The following CDK14 variants were observed in gnomAD, a reference collection of about 807,000 sequenced individuals.
The protein encoded by CDK14 is cyclin-dependent kinase 14.
A neutral mutation model predicts 60.7 loss-of-function variants in CDK14; 34 were observed. That is an observed-to-expected ratio of 0.56 (90% CI 0.43 to 0.75). The LOEUF (loss-of-function observed/expected upper bound fraction) is 0.75. CDK14 is among the 30% of genes least tolerant of loss of function. The probability of loss-of-function intolerance (pLI) is 0.00; values close to 1 mark genes in which losing one functional copy is unlikely to be tolerated. For missense variants in CDK14, 482 were observed against 564.1 expected (o/e 0.85, Z 1.47); for synonymous variants, 197 against 203.7 (o/e 0.97, Z 0.28).
chr7:90,764,384 G>C (rs984516394), intron 4 of CDK14, among the ~76,000 whole-genome samples: 3 of 152,182 alleles, frequency 2.0e-5, no homozygotes, highest in African/African-American at 7.2e-5. Flanking sequence ...GTGGGGTTTG[G>C]GTGAAATTAG....
chr7:90,746,106 T>C (rs1803580087), intron 3 of CDK14, among the ~76,000 whole-genome samples: 1 of 152,214 alleles, frequency 6.6e-6, no homozygotes, highest in East Asian at 1.9e-4. Context: ...CTAGAGGTTC[T>C]TGCTTCTTTT....
intron 14 of CDK14, among the ~76,000 whole-genome samples, chr7:91,187,481 A>G (rs1288082107): frequency 6.6e-6 from 1 of 152,196 alleles, no homozygotes; most frequent in Non-Finnish European, 1.5e-5. Context: ...CAGATCAGGA[A>G]GAGTAAAGGA....
At chr7:90,939,508 TC>T (rs1793852139) in intron 8 of CDK14, among the ~76,000 whole-genome samples, 1 of 152,238 alleles carries the variant, frequency 6.6e-6, no homozygotes, top group African/African-American at 2.4e-5. Flanking sequence ...TTCAAACTTA[TC>T]AAAATCTGTC....
chr7:90,626,816 T>C (rs911899989), intron 2 of CDK14, among the ~76,000 whole-genome samples: 1 of 151,790 alleles, frequency 6.6e-6, no homozygotes, highest in Non-Finnish European at 1.5e-5. Context: ...GTGTCTGTCA[T>C]GTAGTCCTAG....
At chr7:90,815,910 C>T (rs1179210121) in intron 5 of CDK14, among the ~76,000 whole-genome samples, 1 of 151,730 alleles carries the variant, frequency 6.6e-6, no homozygotes, top group Non-Finnish European at 1.5e-5. Flanking sequence ...CACACTGGGG[C>T]CTTTCCGGGG....
At chr7:91,060,880 G>T (rs532577152) in intron 11 of CDK14, among the ~76,000 whole-genome samples, 3 of 152,040 alleles carry the variant, frequency 2.0e-5, no homozygotes. Context: ...TATGTGTCTT[G>T]GAGTTGCTCT....
intron 10 of CDK14, among the ~76,000 whole-genome samples, chr7:91,031,270 A>G (rs1399080306): frequency 6.6e-6 from 1 of 152,192 alleles, no homozygotes; most frequent in Non-Finnish European, 1.5e-5. Context: ...CTATTTTTGC[A>G]TGATGTGATT....
rs1562817515 is a variant in CDK14, at chr7:90,895,354, TCCTCA to T, written c.640-3932_640-3928del. On this transcript the variant is annotated intron_variant, in intron 6 of 14. Transcript: ENST00000380050. Reference sequence around the variant, plus strand: ...TCCTCTCCTCTCCTCTCCTCTCCTCTCCTCACCTCTCCTCCCCTCCCCTCTCCTCT... The same window carrying T: ...TCCTCTCCTCTCCTCTCCTCTCCTCTCCTCTCCTCCCCTCCCCTCTCCTCT... 3.1e-3 allele frequency among the ~76,000 whole-genome samples: 122 copies of T among 39,426 alleles called. 7 individuals carry two copies. Among genetic ancestry groups the T allele is most frequent in the Non-Finnish European group, 3.9e-3 (76 of 19,704 alleles). 25.9% of individuals were successfully genotyped at this position (39,426 alleles called of 152,430 possible).
At chr7:90,667,883 A>G (rs1801018276) in intron 2 of CDK14, among the ~76,000 whole-genome samples, 1 of 151,998 alleles carries the variant, frequency 6.6e-6, no homozygotes, top group East Asian at 1.9e-4. Context: ...CTTTCTTTTT[A>G]TAGCTTTATA....
chr7:90,636,780 G>T (rs1262163101), intron 2 of CDK14, among the ~76,000 whole-genome samples: 1 of 152,082 alleles, frequency 6.6e-6, no homozygotes, highest in East Asian at 1.9e-4. Flanking sequence ...CTTTTTGGTT[G>T]GTAAGCTATT....
Position 91,108,780 on chromosome 7 carries a change from C to G in CDK14, c.1155-3762C>G, listed in dbSNP as rs182137224. 2.0e-5 allele frequency among the ~76,000 whole-genome samples: 3 copies of G among 152,278 alleles called. No individual in the cohort carries two copies. The East Asian group carries it at 5.8e-4, about 29-fold the overall frequency. Reference sequence around the variant, plus strand: ...CCTCCATTTTGAAAATCACAAACCTCTGGTTGAAAAGTTCATGCAAAGTCC... The same window carrying G: ...CCTCCATTTTGAAAATCACAAACCTGTGGTTGAAAAGTTCATGCAAAGTCC... On this transcript the variant is annotated intron_variant, in intron 12 of 14. Transcript: ENST00000380050.
chr7:90,708,734 T>C (rs1801957869), intron 2 of CDK14, among the ~76,000 whole-genome samples: 1 of 152,218 alleles, frequency 6.6e-6, no homozygotes, highest in South Asian at 2.1e-4. Flanking sequence ...CGACCACTTA[T>C]CATTGACACA....
At chr7:91,146,009 A>G (rs1356256426) in intron 14 of CDK14, among the ~76,000 whole-genome samples, 4 of 152,130 alleles carry the variant, frequency 2.6e-5, no homozygotes, top group Non-Finnish European at 5.9e-5. Flanking sequence ...CTCAAACTGA[A>G]CAATAACATT....
At chr7:90,656,109 A>G (rs1026831378) in intron 2 of CDK14, among the ~76,000 whole-genome samples, 1 of 152,146 alleles carries the variant, frequency 6.6e-6, no homozygotes, top group Non-Finnish European at 1.5e-5. Context: ...CAGCTGGAAT[A>G]AGGCAAACAG....
intron 12 of CDK14, among the ~76,000 whole-genome samples, chr7:91,090,409 G>A (rs570854321): frequency 2.6e-5 from 4 of 152,294 alleles, no homozygotes; most frequent in African/African-American, 7.2e-5. Context: ...CACTAGCCAC[G>A]TGTGGCTATT....
intron 2 of CDK14, among the ~76,000 whole-genome samples, chr7:90,617,389 A>T (rs781421593): frequency 1.3e-5 from 2 of 152,110 alleles, no homozygotes; most frequent in Non-Finnish European, 2.9e-5. Context: ...CAGGTGCAGC[A>T]TATAGTTGGG....
chr7:91,054,850 G>C (rs893369121), intron 11 of CDK14, among the ~76,000 whole-genome samples: 2 of 152,178 alleles, frequency 1.3e-5, no homozygotes, highest in Non-Finnish European at 2.9e-5. Flanking sequence ...AACAATTCAG[G>C]GGGGCAGGTC....
chr7:90,891,394 C>T (rs1792120465), intron 6 of CDK14, among the ~76,000 whole-genome samples: 1 of 152,186 alleles, frequency 6.6e-6, no homozygotes, highest in Admixed American at 6.5e-5. Flanking sequence ...AAGTTTTCAT[C>T]AATTTCAAAA....
chr7:90,728,860 T>A (rs1255224105), intron 3 of CDK14, among the ~76,000 whole-genome samples: 1 of 152,252 alleles, frequency 6.6e-6, no homozygotes, highest in Admixed American at 6.5e-5. Flanking sequence ...AGTCGTTTTA[T>A]TTAAGTACTC....
Sources: gnomAD v4.1 joint callset for allele counts (sites outside exome capture counted in the v4.1 genomes callset) on GRCh38, gnomAD v4.1.1 for gene constraint, MANE v1.5 for transcripts, NCBI Gene and HGNC (gene_info 2026-07-23, HGNC 2026-07-21) for gene names.